Variants in GLI2 observed in about 807,000 individuals in gnomAD.
GLI2 encodes the protein GLI family zinc finger 2.
Under a neutral mutation model 78.9 loss-of-function variants are expected in GLI2, and 22 were observed. That is an observed-to-expected ratio of 0.28 (90% CI 0.20 to 0.40). GLI2 has a LOEUF of 0.40. Ranked by LOEUF, GLI2 falls within the 10% of genes least tolerant of loss-of-function variation. The pLI, the probability that GLI2 is intolerant of heterozygous loss-of-function variation, is 1.00. For missense variants in GLI2, 2,097 were observed against 2,213.2 expected (o/e 0.95, Z 1.05); for synonymous variants, 974 against 963.7 (o/e 1.01, Z -0.20).
At chr2:120,761,659 GCCA>G (rs1683217484) in intron 1 of GLI2, among the ~76,000 whole-genome samples, 1 of 152,104 alleles carries the variant, frequency 6.6e-6, no homozygotes, top group Non-Finnish European at 1.5e-5. Flanking sequence ...GCCCGGGAGA[GCCA>G]CCTCCCCTGC....
At chr2:120,793,535 G>A (rs923323299) in intron 1 of GLI2, among the ~76,000 whole-genome samples, 1 of 152,180 alleles carries the variant, frequency 6.6e-6, no homozygotes. Flanking sequence ...TGGGCGCCTG[G>A]TGTTTACCTA....
rs1684996395 is a variant in GLI2, at chr2:120,807,155, CCCCTGGGGACG to C, written c.148+9688_148+9698del. ...AAAGTGTGGCAGGGCTTGGGCAAGC[CCCCTGGGGACG>C]ATGCAGGGAGCCATCAGCCCCAGGA... On this transcript the variant is annotated intron_variant, in intron 2 of 13. Transcript: ENST00000361492. Among the ~76,000 whole-genome samples the C allele has an allele frequency of 3.3e-5, 5 of 152,076 alleles. No homozygotes were observed. In the South Asian group the frequency reaches 1.0e-3, roughly 32 times the overall value.
intron 2 of GLI2, among the ~76,000 whole-genome samples, chr2:120,843,785 G>T (rs1241401460): frequency 6.6e-6 from 1 of 152,172 alleles, no homozygotes; most frequent in Non-Finnish European, 1.5e-5. Flanking sequence ...TCCTGTCTCA[G>T]TCTCCCAAGT....
intron 2 of GLI2, among the ~76,000 whole-genome samples, chr2:120,842,291 C>G (rs1266311544): frequency 6.6e-6 from 1 of 152,024 alleles, no homozygotes; most frequent in Non-Finnish European, 1.5e-5. Flanking sequence ...TATATGTGTG[C>G]TTACCTATAA....
chr2:120,771,403 C>T (rs1253187127), intron 1 of GLI2, among the ~76,000 whole-genome samples: 3 of 152,248 alleles, frequency 2.0e-5, no homozygotes, highest in Admixed American at 6.5e-5. Flanking sequence ...GAGGCTTGGC[C>T]TCCGCATCTG....
chr2:120,901,219 G>T (rs115891035), intron 2 of GLI2, among the ~76,000 whole-genome samples: 1,692 of 152,246 alleles, frequency 0.011, 25 homozygotes, highest in African/African-American at 0.037. Flanking sequence ...CTGTGTGTGT[G>T]TTTTTTTCTT....
At chr2:120,829,479 G>A (rs62150737) in intron 2 of GLI2, among the ~76,000 whole-genome samples, 51 of 152,246 alleles carry the variant, frequency 3.3e-4, no homozygotes, top group African/African-American at 1.1e-3. Context: ...TGTGACATTC[G>A]TCAAGTAGAA....
intron 2 of GLI2, among the ~76,000 whole-genome samples, chr2:120,855,754 G>A (rs891351434): frequency 2.0e-5 from 3 of 152,172 alleles, no homozygotes; most frequent in African/African-American, 7.2e-5. Flanking sequence ...GACAGTGGGG[G>A]AAATGGAGAC....
At chr2:120,809,377 A>G (rs1317756563) in intron 2 of GLI2, among the ~76,000 whole-genome samples, 4 of 152,154 alleles carry the variant, frequency 2.6e-5, no homozygotes, top group Non-Finnish European at 4.4e-5. Flanking sequence ...GGAATGGGGA[A>G]TGATTGCTAT....
chr2:120,803,013 G>T (rs1013459855), intron 2 of GLI2, among the ~76,000 whole-genome samples: 1 of 152,242 alleles, frequency 6.6e-6, no homozygotes, highest in Non-Finnish European at 1.5e-5. Flanking sequence ...CTAAGTTGGA[G>T]AACCGCATGT....
At chr2:120,923,659 AAC>A (rs1180513939) in intron 2 of GLI2, among the ~76,000 whole-genome samples, 3 of 152,076 alleles carry the variant, frequency 2.0e-5, no homozygotes, top group African/African-American at 7.2e-5. Context: ...ATACACATAC[AAC>A]ACACATGCGC....
intron 2 of GLI2, among the ~76,000 whole-genome samples, chr2:120,921,881 A>G (rs552662196): frequency 1.3e-5 from 2 of 152,224 alleles, no homozygotes; most frequent in Admixed American, 1.3e-4. Flanking sequence ...GTTAGCCTTC[A>G]TGCTGAAATC....
chr2:120,785,320 G>A (rs1235302427), intron 1 of GLI2, among the ~76,000 whole-genome samples: 2 of 152,182 alleles, frequency 1.3e-5, no homozygotes, highest in African/African-American at 4.8e-5. Flanking sequence ...CCAGCTGAAG[G>A]CAGGGCACTC....
At chr2:120,765,625 G>A (rs577584926) in intron 1 of GLI2, among the ~76,000 whole-genome samples, 3 of 152,366 alleles carry the variant, frequency 2.0e-5, no homozygotes, top group South Asian at 4.1e-4. Context: ...TCCCCTGCCT[G>A]CCAGTGACAC....
intron 3 of GLI2, among the ~76,000 whole-genome samples, chr2:120,934,049 ATT>A: frequency 6.6e-6 from 1 of 152,244 alleles, no homozygotes; most frequent in Non-Finnish European, 1.5e-5. Flanking sequence ...GTTCTTGTTG[ATT>A]TTCAGACTAG....
chr2:120,961,949 G>A (rs11899063), intron 5 of GLI2, among the ~76,000 whole-genome samples: 9 of 152,132 alleles, frequency 5.9e-5, no homozygotes, highest in South Asian at 2.1e-4. Context: ...CACAGAGAAG[G>A]CTCCTGGGAC....
intron 3 of GLI2, among the ~76,000 whole-genome samples, chr2:120,936,772 C>T (rs372606136): frequency 2.6e-5 from 4 of 152,104 alleles, no homozygotes; most frequent in South Asian, 2.1e-4. Flanking sequence ...TGGAAGCTGA[C>T]GCCACTGCCA....
chr2:120,982,878 G>A lies in GLI2; in HGVS notation c.1630G>A (p.Glu544Lys), dbSNP rs772471844. ...AKHQNRTHSNEKPYICKIPGC... is the reference protein window; with the variant it reads ...AKHQNRTHSNKKPYICKIPGC... ...GCACCAGAATCGCACCCACTCCAAC[G>A]AGGTACCTCTGCGGGGCATGCACTG... Residue 544 changes from glutamate (E) to lysine (K), a missense_variant and splice_region_variant, in exon 11 of 14, where the codon GAG becomes AAG. Coordinates refer to ENST00000361492, the MANE Select transcript of GLI2 (RefSeq NM_001374353.1). 29 of 1,613,692 alleles carry A rather than the reference G, an allele frequency of 1.8e-5. No individual in the cohort carries two copies. Among genetic ancestry groups the A allele is most frequent in the African/African-American group, 1.2e-4 (9 of 74,936 alleles).
chr2:120,814,255 A>T (rs1019323444), intron 2 of GLI2, among the ~76,000 whole-genome samples: 1 of 152,140 alleles, frequency 6.6e-6, no homozygotes, highest in African/African-American at 2.4e-5. Flanking sequence ...GGGCACCGGG[A>T]TTTGAGTGGG....
Sources: gnomAD v4.1 joint callset for allele counts (sites outside exome capture counted in the v4.1 genomes callset) on GRCh38, gnomAD v4.1.1 for gene constraint, MANE v1.5 for transcripts, NCBI Gene and HGNC (gene_info 2026-07-23, HGNC 2026-07-21) for gene names.